PPARA: variants seen among roughly 807,000 people sequenced by gnomAD.
The protein encoded by PPARA is peroxisome proliferator activated receptor alpha.
Under a neutral mutation model 42.2 loss-of-function variants are expected in PPARA, and 22 were observed. The observed-to-expected ratio is 0.52, with a 90% CI of 0.37 to 0.74. The LOEUF (loss-of-function observed/expected upper bound fraction) is 0.74, where lower values mean the gene tolerates loss of function less well. PPARA is among the 30% of genes least tolerant of loss of function. The pLI is 0.00. For synonymous variants in PPARA, 242 were observed against 239.3 expected (o/e 1.01, Z -0.10); for missense variants, 465 against 608.2 (o/e 0.76, Z 2.48).
At chr22:46,210,309 C>CAAA (rs1189985964) in intron 4 of PPARA, among the ~76,000 whole-genome samples, 1 of 85,974 alleles carries the variant, frequency 1.2e-5, no homozygotes, top group African/African-American at 3.4e-5. Flanking sequence ...AACTCCATCT[C>CAAA]AAAAAAAAAA....
Position 46,180,102 on chromosome 22 carries a change from C to T in PPARA, c.-43+3266C>T, listed in dbSNP as rs1176960996. On this transcript the variant is annotated intron_variant, in intron 3 of 8. Transcript: ENST00000407236. The surrounding 1 kb of genome is among the most constrained non-coding windows in gnomAD (Gnocchi z 4.2). ...AATTAGAAAGGTTGACCATACCAAA[C>T]ATTAGCCATGATGTGCAGGAACTAG... 6.6e-6 allele frequency among the ~76,000 whole-genome samples: 1 copy of T among 152,018 alleles called. No individual in the cohort carries two copies. Among genetic ancestry groups the T allele is most frequent in the Non-Finnish European group, 1.5e-5 (1 of 68,020 alleles).
chr22:46,218,676 A>G (rs1934720334), intron 6 of PPARA, among the ~76,000 whole-genome samples: 1 of 151,366 alleles, frequency 6.6e-6, no homozygotes, highest in African/African-American at 2.4e-5. Flanking sequence ...TCTACTAAGA[A>G]TGCAAAAATT....
At position 46,232,903 on chromosome 22, in the gene PPARA, G is replaced by C. The variant is rs911708163; in HGVS notation, c.1159+664G>C. Among the ~76,000 whole-genome samples the C allele has an allele frequency of 1.4e-5, 2 of 147,700 alleles. No individual in the cohort carries two copies. Among genetic ancestry groups the C allele is most frequent in the African/African-American group, 5.0e-5 (2 of 39,902 alleles). On this transcript the variant is annotated intron_variant, in intron 8 of 8. Transcript: ENST00000407236. This position sits in a 1 kb window ranked among gnomAD's most constrained non-coding sequence, Gnocchi z 5.3. Reference sequence around the variant, plus strand: ...AGGCTGAGGTGGGAGGATCACTTAAGCCCAGGAGACAAAGGTTGCAGTGAG... The same window carrying C: ...AGGCTGAGGTGGGAGGATCACTTAACCCCAGGAGACAAAGGTTGCAGTGAG...
chr22:46,155,637 T>C (rs74623280), intron 2 of PPARA: 1 of 152,216 alleles, frequency 6.6e-6, no homozygotes, highest in Middle Eastern at 3.2e-3. Context: ...TAAAAAGGTA[T>C]AGTTTCTGAT....
chr22:46,170,307 G>A (rs979933387), intron 2 of PPARA, among the ~76,000 whole-genome samples: 6 of 150,684 alleles, frequency 4.0e-5, no homozygotes, highest in African/African-American at 1.5e-4. Context: ...GGAGTGCAGT[G>A]GTGTGATCTT....
At chr22:46,181,118 C>T (rs539202275) in intron 3 of PPARA, among the ~76,000 whole-genome samples, 11 of 152,252 alleles carry the variant, frequency 7.2e-5, no homozygotes, top group African/African-American at 2.4e-4. Context: ...ATGAAACTTA[C>T]ACCTTAGCCG....
rs1932766442 is a variant in PPARA, at chr22:46,199,733, AT to A, written c.208+1148del. 3.3e-5 allele frequency among the ~76,000 whole-genome samples: 5 copies of A among 152,146 alleles called. No homozygotes were observed. In the South Asian group the frequency reaches 1.0e-3, roughly 32 times the overall value. On this transcript the variant is annotated intron_variant, in intron 4 of 8. Coordinates refer to ENST00000407236, the MANE Select transcript of PPARA (RefSeq NM_005036.6). ...ATTAATGTAAAATCTTTTATTTTTT[AT>A]TTTTTGAGACAGAGTTTTGCTCTTG...
chr22:46,185,942 TATATATATATATATATATATATACAC>T (rs1569207819), intron 3 of PPARA, among the ~76,000 whole-genome samples: 1 of 48,890 alleles, frequency 2.0e-5, no homozygotes, highest in African/African-American at 7.0e-5. Flanking sequence ...TATATATATA[TATATATATATATATATATATATACAC>T]ACACACTAAC....
intron 2 of PPARA, among the ~76,000 whole-genome samples, chr22:46,169,032 G>A (rs1007336099): frequency 6.6e-6 from 1 of 151,848 alleles, no homozygotes; most frequent in Non-Finnish European, 1.5e-5. Context: ...CTCATGGGGA[G>A]GGAAAGAGGA....
chr22:46,165,693 G>C lies in PPARA; in HGVS notation c.-126-11060G>C, dbSNP rs1345132552. 6.6e-6 allele frequency among the ~76,000 whole-genome samples: 1 copy of C among 152,194 alleles called. No individual in the cohort carries two copies. Among genetic ancestry groups the C allele is most frequent in the East Asian group, 1.9e-4 (1 of 5,202 alleles). On this transcript the variant is annotated intron_variant, in intron 2 of 8. Coordinates refer to ENST00000407236, the MANE Select transcript of PPARA (RefSeq NM_005036.6). The surrounding 1 kb of genome is among the most constrained non-coding windows in gnomAD (Gnocchi z 5.5). ...AGGACTGAAGTCCAGTTCTAGCTAC[G>C]CCCAGTCCTTGAGACTGGATTAAGG...
At position 46,166,912 on chromosome 22, in the gene PPARA, C is replaced by T. The variant is rs4253637; in HGVS notation, c.-126-9841C>T. Among the ~76,000 whole-genome samples the T allele has an allele frequency of 6.1e-3, 921 of 152,110 alleles. 10 individuals carry two copies. Among genetic ancestry groups the T allele is most frequent in the African/African-American group, 0.021 (883 of 41,496 alleles). Reference sequence around the variant, plus strand: ...AAGTTTATATGGAAATGCAAGGAACCCAGAGTTGCTAAAATAACTTTGAAA... The same window carrying T: ...AAGTTTATATGGAAATGCAAGGAACTCAGAGTTGCTAAAATAACTTTGAAA... On this transcript the variant is annotated intron_variant, in intron 2 of 8. Coordinates refer to ENST00000407236, the MANE Select transcript of PPARA (RefSeq NM_005036.6).
rs1601834794 is a variant in PPARA, at chr22:46,235,338, G to A, written c.1365G>A (p.Ala455=). 1 of 1,613,834 alleles carries A rather than the reference G, an allele frequency of 6.2e-7. No homozygotes were observed. The highest frequency in any genetic ancestry group is 1.1e-5 in the South Asian group (1 of 91,052). Residue 455 remains alanine (A), a synonymous_variant, in exon 9 of 9, where the codon GCG becomes GCA. Transcript: ENST00000407236. The surrounding 1 kb of genome is among the most constrained non-coding windows in gnomAD (Gnocchi z 7.0). The stretch of plus-strand genomic sequence containing the variant: ...TCAAGAAGACGGAGTCGGATGCTGC[G>A]CTGCACCCGCTACTGCAGGAGATCT... ...QIIKKTESDA[A]LHPLLQEIYR...
chr22:46,230,285 C>T lies in PPARA; in HGVS notation c.712-1507C>T, dbSNP rs1335050140. Among the ~76,000 whole-genome samples the T allele has an allele frequency of 3.9e-5, 6 of 152,070 alleles. No homozygotes were observed. Among genetic ancestry groups the T allele is most frequent in the East Asian group, 1.9e-4 (1 of 5,186 alleles). ...ACTCAGAAGGCTGAGGCGGGAGAAT[C>T]GCTTGAACCTGGGAGGCCGAGGTTG... On this transcript the variant is annotated intron_variant, in intron 7 of 8. Transcript: ENST00000407236. The surrounding 1 kb of genome is among the most constrained non-coding windows in gnomAD (Gnocchi z 5.0).
rs936670028 is a variant in PPARA, at chr22:46,216,175, G to C, written c.369+842G>C. On this transcript the variant is annotated intron_variant, in intron 5 of 8. Coordinates refer to ENST00000407236, the MANE Select transcript of PPARA (RefSeq NM_005036.6). This position sits in a 1 kb window ranked among gnomAD's most constrained non-coding sequence, Gnocchi z 4.5. ...AGGCGGCTGGATCACCTGAGGTCAG[G>C]AGTTCAAGACCAGCCTGGCCAACAT... 1.3e-5 allele frequency among the ~76,000 whole-genome samples: 2 copies of C among 152,076 alleles called. No individual in the cohort carries two copies. Among genetic ancestry groups the C allele is most frequent in the Non-Finnish European group, 2.9e-5 (2 of 68,008 alleles).
intron 7 of PPARA, among the ~76,000 whole-genome samples, chr22:46,228,939 C>A (rs916563281): frequency 6.7e-6 from 1 of 149,794 alleles, no homozygotes; most frequent in Non-Finnish European, 1.5e-5. Context: ...CCCGTCTCTA[C>A]TAAAAATACA....
chr22:46,218,856 G>C (rs6008160), intron 6 of PPARA, among the ~76,000 whole-genome samples: 1 of 125,502 alleles, frequency 8.0e-6, no homozygotes, highest in Non-Finnish European at 1.6e-5. Context: ...AAAAGAAAAA[G>C]AAAGAAAGAA....
chr22:46,215,452 T>A lies in PPARA; in HGVS notation c.369+119T>A. Reference sequence around the variant, plus strand: ...AGAAAGTCCCGGATAAGAAACTGACTTCAGGCCAGGCGCGGTATCTCATGC... The same window carrying A: ...AGAAAGTCCCGGATAAGAAACTGACATCAGGCCAGGCGCGGTATCTCATGC... On this transcript the variant is annotated intron_variant, in intron 5 of 8. Coordinates refer to ENST00000407236, the MANE Select transcript of PPARA (RefSeq NM_005036.6). 3 of 1,368,688 alleles carry A rather than the reference T, an allele frequency of 2.2e-6. No individual in the cohort carries two copies. In the African/African-American group the frequency reaches 4.3e-5, roughly 20 times the overall value. 84.8% of individuals were successfully genotyped at this position (1,368,688 alleles called of 1,614,324 possible). A position where few individuals can be genotyped will look rare whatever the true frequency, so the allele number is the denominator to read the frequency against.
chr22:46,155,953 A>G (rs936903683), intron 2 of PPARA: 1 of 152,244 alleles, frequency 6.6e-6, no homozygotes, highest in African/African-American at 2.4e-5. Flanking sequence ...CTCGTTACTC[A>G]GAGGTGTGTG....
chr22:46,186,386 G>C (rs1030858358), intron 3 of PPARA, among the ~76,000 whole-genome samples: 1 of 152,144 alleles, frequency 6.6e-6, no homozygotes, highest in African/African-American at 2.4e-5. Context: ...AATAAGGTGT[G>C]GTCCCGCCTT....
Sources: gnomAD v4.1 joint callset for allele counts (sites outside exome capture counted in the v4.1 genomes callset) on GRCh38, gnomAD v4.1.1 for gene constraint, Gnocchi (gnomAD v3.1) non-coding constraint, MANE v1.5 for transcripts, NCBI Gene and HGNC (gene_info 2026-07-23, HGNC 2026-07-21) for gene names.